The following ACSBG1 variants were observed in gnomAD, a reference collection of about 807,000 sequenced individuals.
ACSBG1 encodes long-chain-fatty-acid--CoA ligase ACSBG1.
In ACSBG1, 39 loss-of-function variants were observed where a neutral mutation model predicts 80.2. The ratio of observed to expected loss-of-function variants is 0.49; its 90% CI spans 0.38 to 0.64. The LOEUF is 0.64. Ranked by LOEUF, ACSBG1 falls within the 30% of genes least tolerant of loss-of-function variation. The pLI is 0.00. For synonymous variants in ACSBG1, 392 were observed against 379.5 expected (o/e 1.03, Z -0.38); for missense variants, 828 against 966.4 (o/e 0.86, Z 1.90).
chr15:78,226,032 GGTCT>G (rs2075397774), intron 1 of ACSBG1, among the ~76,000 whole-genome samples: 1 of 152,182 alleles, frequency 6.6e-6, no homozygotes, highest in African/African-American at 2.4e-5. Context: ...TTACCACATG[GGTCT>G]GTCTTAGTGT....
chr15:78,222,730 T>G (rs1291058686), intron 1 of ACSBG1, among the ~76,000 whole-genome samples: 1 of 151,992 alleles, frequency 6.6e-6, no homozygotes, highest in Admixed American at 6.6e-5. Context: ...GAGGACATAT[T>G]ACATAAAAGG....
chr15:78,176,623 T>C (rs545798221), intron 11 of ACSBG1, among the ~76,000 whole-genome samples: 1 of 152,170 alleles, frequency 6.6e-6, no homozygotes, highest in Admixed American at 6.5e-5. Flanking sequence ...TGTGCAAAAA[T>C]CTCTACACTA....
At chr15:78,214,005 GATGCTAC>G (rs2075288016) in intron 1 of ACSBG1, 1 of 152,256 alleles carries the variant, frequency 6.6e-6, no homozygotes, top group African/African-American at 2.4e-5. Flanking sequence ...CTGAAGCCAG[GATGCTAC>G]GTACACAAGG....
intron 1 of ACSBG1, among the ~76,000 whole-genome samples, chr15:78,218,774 C>T (rs1442002652): frequency 7.3e-6 from 1 of 137,100 alleles, no homozygotes; most frequent in African/African-American, 2.8e-5. Context: ...CAGATTGCAT[C>T]TCCCTTTTTT....
intron 1 of ACSBG1, among the ~76,000 whole-genome samples, chr15:78,217,605 C>T (rs1204921775): frequency 1.3e-5 from 2 of 149,770 alleles, no homozygotes; most frequent in Admixed American, 6.7e-5. Context: ...TTCACTCTGT[C>T]GCCCAGGCTG....
intron 1 of ACSBG1, among the ~76,000 whole-genome samples, chr15:78,221,857 C>T (rs188261216): frequency 1.2e-4 from 19 of 152,352 alleles, no homozygotes; most frequent in Non-Finnish European, 1.0e-4. Flanking sequence ...AGCCCTAAAT[C>T]CCTTAAACCT....
At chr15:78,179,812 AAAT>A (rs1439922592) in intron 9 of ACSBG1, 32 bp from the exon 10 acceptor site, 4 of 1,292,002 alleles carry the variant, frequency 3.1e-6, no homozygotes, top group Non-Finnish European at 1.1e-6. Context: ...TTCACAGAAG[AAAT>A]CACACACACA....
At chr15:78,182,681 C>A in intron 6 of ACSBG1, 24 bp downstream of exon 6, 1 of 1,613,986 alleles carries the variant, frequency 6.2e-7, no homozygotes, top group Non-Finnish European at 8.5e-7. Context: ...CCCCACCTGG[C>A]GCCCAGGGCC....
chr15:78,220,791 G>A (rs1219198385), intron 1 of ACSBG1, among the ~76,000 whole-genome samples: 1 of 152,198 alleles, frequency 6.6e-6, no homozygotes, highest in Non-Finnish European at 1.5e-5. Context: ...CTGGTAGGAT[G>A]GCTATAAATA....
chr15:78,194,820 A>G (rs2075098226), intron 2 of ACSBG1, 94 bp from the exon 3 acceptor site: 3 of 1,306,936 alleles, frequency 2.3e-6, no homozygotes, highest in Non-Finnish European at 3.2e-6. Flanking sequence ...GGTGCTGACA[A>G]TGCCTTGGGT....
chr15:78,174,414 TC>T lies in ACSBG1; in HGVS notation c.1812del (p.Lys605SerfsTer9). 6.2e-7 allele frequency: 1 copy of T among 1,614,126 alleles called. No individual in the cohort carries two copies. Among genetic ancestry groups the T allele is most frequent in the Non-Finnish European group, 8.5e-7 (1 of 1,180,024 alleles). ...AAGGTGAGCAGCATGGACAGGAACT[TC>T]CTCTGGTCCCCAATGAGCATGGCGT... The part of the protein sequence containing the change: ...ISNAMLIGDQ[R>X]KFLSMLLTLK... On this transcript the variant is annotated frameshift_variant, in exon 12 of 14. Transcript: ENST00000258873. LOFTEE classifies it high-confidence loss of function.
Position 78,173,709 on chromosome 15 carries a change from T to TA in ACSBG1, c.1972dup (p.Tyr658LeufsTer59). Reference sequence around the variant, plus strand: ...CCGGATCCCCTCTTCGATGGCCTGGTACACGGCCTCATCCTTCTTCTCTAT... The same window carrying TA: ...CCGGATCCCCTCTTCGATGGCCTGGTAACACGGCCTCATCCTTCTTCTCTAT... On this transcript the variant is annotated frameshift_variant, in exon 13 of 14. Coordinates refer to ENST00000258873, the MANE Select transcript of ACSBG1 (RefSeq NM_015162.5). LOFTEE classifies it high-confidence loss of function. The TA allele has an allele frequency of 6.2e-7, 1 of 1,614,230 alleles. No individual in the cohort carries two copies. The highest frequency in any genetic ancestry group is 8.5e-7 in the Non-Finnish European group (1 of 1,180,028).
intron 1 of ACSBG1, among the ~76,000 whole-genome samples, chr15:78,219,331 C>A (rs1295664174): frequency 6.6e-6 from 1 of 150,390 alleles, no homozygotes; most frequent in East Asian, 2.0e-4. Flanking sequence ...TCGCTTGAAC[C>A]TGGGAGGGGA....
In ACSBG1 at chr15:78,171,550, A is replaced by C. The variant is rs370953009; in HGVS notation, c.2090-21T>G. The C allele has an allele frequency of 2.7e-4, 429 of 1,598,314 alleles. No individual in the cohort carries two copies. In the African/African-American group the frequency reaches 4.9e-3, roughly 18 times the overall value. On this transcript the variant is annotated intron_variant, in intron 13 of 13. Coordinates refer to ENST00000258873, the MANE Select transcript of ACSBG1 (RefSeq NM_015162.5). The stretch of plus-strand genomic sequence containing the variant: ...GGGACCTAAAAGGGAAATGAGAAGA[A>C]ATGAGTGAGGCCCAGGCTCTGAGAA...
intron 1 of ACSBG1, among the ~76,000 whole-genome samples, chr15:78,220,597 A>G (rs1356162961): frequency 6.6e-6 from 1 of 152,248 alleles, no homozygotes; most frequent in Non-Finnish European, 1.5e-5. Flanking sequence ...TCTAGAATAT[A>G]TAAGGAACTC....
At chr15:78,203,218 A>C (rs531980447) in intron 2 of ACSBG1, among the ~76,000 whole-genome samples, 2 of 152,262 alleles carry the variant, frequency 1.3e-5, no homozygotes, top group Admixed American at 1.3e-4. Flanking sequence ...AACTAAGATC[A>C]GTGCAACCAT....
chr15:78,207,923 A>ACCCCCCCCCCCCC, intron 2 of ACSBG1, 79 bp downstream of exon 2: 1 of 284,788 alleles, frequency 3.5e-6, no homozygotes, highest in Non-Finnish European at 7.2e-6. Context: ...GTGGTCCCCC[A>ACCCCCCCCCCCCC]CACCACCCAC....
At chr15:78,180,959 G>C in intron 8 of ACSBG1, 23 bp from the exon 9 acceptor site, 1 of 1,606,774 alleles carries the variant, frequency 6.2e-7, no homozygotes, top group Non-Finnish European at 8.5e-7. Flanking sequence ...GAAGAGGCAG[G>C]CCTGTTGGGT....
chr15:78,230,821 C>T (rs533216735), intron 1 of ACSBG1, among the ~76,000 whole-genome samples: 127 of 146,158 alleles, frequency 8.7e-4, no homozygotes, highest in African/African-American at 3.0e-3. Flanking sequence ...CAATAAACTT[C>T]TTTCTTTTGT....
Sources: gnomAD v4.1 joint callset for allele counts (sites outside exome capture counted in the v4.1 genomes callset) on GRCh38, gnomAD v4.1.1 for gene constraint, MANE v1.5 for transcripts, NCBI Gene and HGNC (gene_info 2026-07-23, HGNC 2026-07-21) for gene names.